Variants in GJA8 observed in about 807,000 individuals in gnomAD.
The protein encoded by GJA8 is gap junction protein alpha 8, also known as gap junction alpha-8 protein.
GJA8 carries 13 observed loss-of-function variants against 15.3 expected under a neutral mutation model. The observed-to-expected ratio is 0.85, with a 90% CI of 0.55 to 1.35. The LOEUF (loss-of-function observed/expected upper bound fraction) is 1.35. GJA8 is among the 40% of genes most tolerant of loss of function. The pLI, the probability that GJA8 is intolerant of heterozygous loss-of-function variation, is 0.00. For missense variants in GJA8, 607 were observed against 553.3 expected, an observed-to-expected ratio of 1.10 and a Z score of -0.97; for synonymous variants, 304 against 238.7, an observed-to-expected ratio of 1.27 and a Z score of -2.52.
At chr1:147,909,382 C>T (rs1652002757), downstream of GJA8, 1 of 762,194 alleles carries the variant, frequency 1.3e-6, no homozygotes. Flanking sequence ...TGGACAGGCA[C>T]TGCAGCAGGG....
chr1:147,908,873 A>C lies in GJA8; in HGVS notation c.918A>C (p.Thr306=), dbSNP rs782632119. 5 of 1,614,052 alleles carry C rather than the reference A, an allele frequency of 3.1e-6. No homozygotes were observed. Among genetic ancestry groups the C allele is most frequent in the Non-Finnish European group, 4.2e-6 (5 of 1,180,024 alleles). ...PFNQFEEKIS[T]GPLGDLSRGY... ...ATCAGTTCGAGGAGAAGATCAGCAC[A>C]GGACCCCTGGGGGACTTGTCCCGGG... The change falls in exon 2 of 2, where the codon ACA becomes ACC. Residue 306 remains threonine (T), a synonymous_variant. Coordinates refer to ENST00000369235, the MANE Select transcript of GJA8 (RefSeq NM_005267.5).
At position 147,908,243 on chromosome 1, in the gene GJA8, G is replaced by C. The variant is rs200408514; in HGVS notation, c.288G>C (p.Ala96=). 5.6e-6 allele frequency: 9 copies of C among 1,614,190 alleles called. No homozygotes were observed. Among genetic ancestry groups the C allele is most frequent in the Non-Finnish European group, 6.8e-6 (8 of 1,180,022 alleles). Residue 96 remains alanine (A), a synonymous_variant, in exon 2 of 2, where the codon GCG becomes GCC. Transcript: ENST00000369235. ...CGTCCCTGATGTACGTGGGGCACGC[G>C]GTGCACTACGTCCGCATGGAGGAGA... The part of the protein sequence containing the change: ...STPSLMYVGH[A]VHYVRMEEKR...
chr1:147,908,646 G>A lies in GJA8; in HGVS notation c.691G>A (p.Gly231Arg), dbSNP rs782054970. ...GGAGTTGGGCCACCTGGGCCTGAAG[G>A]GGATCCGGTCTGCCTTGAAGAGGCC... ...VMELGHLGLK[G>R]IRSALKRPVE... Residue 231 changes from glycine (G) to arginine (R), a missense_variant, in exon 2 of 2, where the codon GGG (glycine) becomes AGG (arginine). Transcript: ENST00000369235. The A allele has an allele frequency of 1.9e-5, 31 of 1,614,124 alleles. No individual in the cohort carries two copies. The Middle Eastern group carries it at 9.9e-4, about 52-fold the overall frequency.
downstream of GJA8, among the ~76,000 whole-genome samples, chr1:147,913,189 C>CT (rs1334569532): frequency 6.6e-6 from 1 of 151,976 alleles, no homozygotes; most frequent in Non-Finnish European, 1.5e-5. Context: ...TGTTATAGGT[C>CT]TTTTTTAAAG....
At chr1:147,911,628 G>A (rs1262263941), downstream of GJA8, among the ~76,000 whole-genome samples, 1 of 152,148 alleles carries the variant, frequency 6.6e-6, no homozygotes, top group African/African-American at 2.4e-5. Context: ...TATATGGTGA[G>A]AGAATTAACA....
downstream of GJA8, among the ~76,000 whole-genome samples, chr1:147,913,437 T>C (rs1209159271): frequency 1.3e-5 from 2 of 152,214 alleles, no homozygotes; most frequent in African/African-American, 4.8e-5. Flanking sequence ...ATGTCTTTAA[T>C]CACGCAAGAA....
chr1:147,908,853 T>C lies in GJA8; in HGVS notation c.898T>C (p.Phe300Leu). 1 of 1,614,078 alleles carries C rather than the reference T, an allele frequency of 6.2e-7. No individual in the cohort carries two copies. Among genetic ancestry groups the C allele is most frequent in the Admixed American group, 1.7e-5 (1 of 60,010 alleles). Reference protein sequence around the residue: ...SPLPAKPFNQFEEKISTGPLG... With the variant: ...SPLPAKPFNQLEEKISTGPLG... ...ACTGCCTGCCAAGCCTTTCAATCAG[T>C]TCGAGGAGAAGATCAGCACAGGACC... Residue 300 changes from phenylalanine (F) to leucine (L), a missense_variant, in exon 2 of 2, where the codon TTC (phenylalanine) becomes CTC (leucine). By Grantham distance (22) the Phe-to-Leu change is conservative. Coordinates refer to ENST00000369235, the MANE Select transcript of GJA8 (RefSeq NM_005267.5).
downstream of GJA8, among the ~76,000 whole-genome samples, chr1:147,910,553 C>G (rs1652075630): frequency 2.0e-5 from 3 of 152,214 alleles, no homozygotes; most frequent in South Asian, 4.1e-4. Context: ...CCAAAACTCT[C>G]TCTGTGAAAT....
downstream of GJA8, among the ~76,000 whole-genome samples, chr1:147,911,308 C>A (rs587769167): frequency 6.6e-6 from 1 of 152,308 alleles, no homozygotes; most frequent in African/African-American, 2.4e-5. Flanking sequence ...CTTTCCAAAG[C>A]AGGCCTTTTC....
chr1:147,903,303 T>C (rs184930227), intron 1 of GJA8, among the ~76,000 whole-genome samples: 155 of 152,314 alleles, frequency 1.0e-3, no homozygotes, highest in African/African-American at 3.6e-3. Flanking sequence ...ATTTTCCATG[T>C]TGGAGCATTT....
At chr1:147,904,225 G>A (rs954019985) in intron 1 of GJA8, among the ~76,000 whole-genome samples, 5 of 152,010 alleles carry the variant, frequency 3.3e-5, no homozygotes, top group Non-Finnish European at 7.4e-5. Context: ...GAGTCACCAC[G>A]CCCAGCCAAT....
At chr1:147,911,965 T>G (rs1652179643), downstream of GJA8, among the ~76,000 whole-genome samples, 1 of 151,802 alleles carries the variant, frequency 6.6e-6, no homozygotes, top group South Asian at 2.1e-4. Context: ...ACCCACACTG[T>G]CCCCACATTT....
At chr1:147,902,908 G>T (rs999596335) in intron 1 of GJA8, among the ~76,000 whole-genome samples, 47 bp downstream of exon 1, 59 of 152,158 alleles carry the variant, frequency 3.9e-4, no homozygotes, top group Non-Finnish European at 8.8e-5. Flanking sequence ...CCCCCCAATT[G>T]TTCTTTCTCA....
In GJA8 at chr1:147,909,079, C is replaced by G. The variant is rs782296582; in HGVS notation, c.1124C>G (p.Pro375Arg). ...AVPEGEKVET[P>R]GVDKEGEKEE... ...CCAGAGGGGGAGAAAGTAGAGACCC[C>G]CGGAGTGGATAAGGAGGGTGAAAAA... The change falls in exon 2 of 2, where the codon CCC becomes CGC. Residue 375 changes from proline to arginine, a missense_variant. Pro to Arg is a moderately radical substitution (Grantham distance 103). Coordinates refer to ENST00000369235, the MANE Select transcript of GJA8 (RefSeq NM_005267.5). 4.3e-6 allele frequency: 7 copies of G among 1,609,252 alleles called. No individual in the cohort carries two copies. The highest frequency in any genetic ancestry group is 1.7e-5 in the Admixed American group (1 of 59,006).
intron 1 of GJA8, among the ~76,000 whole-genome samples, chr1:147,906,233 C>A (rs1651791096): frequency 6.6e-6 from 1 of 152,264 alleles, no homozygotes; most frequent in Non-Finnish European, 1.5e-5. Context: ...CTAACATGGG[C>A]TCTTGCCCTG....
At chr1:147,911,233 A>G (rs928373143), downstream of GJA8, among the ~76,000 whole-genome samples, 12 of 152,182 alleles carry the variant, frequency 7.9e-5, no homozygotes, top group African/African-American at 2.7e-4. Context: ...ATCTCAAAGT[A>G]TATCAATCCC....
chr1:147,904,774 A>G (rs1177147735), intron 1 of GJA8, among the ~76,000 whole-genome samples: 3 of 152,196 alleles, frequency 2.0e-5, no homozygotes, highest in African/African-American at 7.2e-5. Context: ...GCCTGTTTCA[A>G]CATCATGGGG....
In GJA8 at chr1:147,908,973, G is replaced by A. The variant is rs1553242949; in HGVS notation, c.1018G>A (p.Glu340Lys). Residue 340 changes from glutamate (E) to lysine (K), a missense_variant, in exon 2 of 2, where the codon GAG becomes AAG. By Grantham distance (56) the Glu-to-Lys change is moderately conservative (BLOSUM62 1). Coordinates refer to ENST00000369235, the MANE Select transcript of GJA8 (RefSeq NM_005267.5). ...EVEGEGPPAE[E>K]GAEPEVGEKK... ...GGAGGGCGAGGGGCCGCCTGCAGAGGAGGGAGCCGAACCCGAGGTGGGAGA... is the reference window on the plus strand; with the variant it reads ...GGAGGGCGAGGGGCCGCCTGCAGAGAAGGGAGCCGAACCCGAGGTGGGAGA... The A allele has an allele frequency of 8.1e-6, 13 of 1,600,402 alleles. No individual in the cohort carries two copies. In the South Asian group the frequency reaches 1.1e-4, roughly 14 times the overall value.
At chr1:147,905,762 A>G (rs1347104111) in intron 1 of GJA8, among the ~76,000 whole-genome samples, 1 of 152,202 alleles carries the variant, frequency 6.6e-6, no homozygotes, top group African/African-American at 2.4e-5. Flanking sequence ...AAATAGATAC[A>G]TGTGGCTGGG....
Sources: gnomAD v4.1 joint callset for allele counts (sites outside exome capture counted in the v4.1 genomes callset) on GRCh38, gnomAD v4.1.1 for gene constraint, MANE v1.5 for transcripts, NCBI Gene and HGNC (gene_info 2026-07-23, HGNC 2026-07-21) for gene names.